Variants in FOXN3 observed in about 807,000 individuals in gnomAD.
The protein encoded by FOXN3 is forkhead box protein N3.
A neutral mutation model predicts 38.4 loss-of-function variants in FOXN3; 7 were observed. The observed-to-expected ratio is 0.18, with a 90% CI of 0.10 to 0.34. The LOEUF (loss-of-function observed/expected upper bound fraction) is 0.34, where lower values mean the gene tolerates loss of function less well. FOXN3 is among the 10% of genes least tolerant of loss of function. The pLI is 1.00. For missense variants in FOXN3, 456 were observed against 613.4 expected, an observed-to-expected ratio of 0.74 and a Z score of 2.71; for synonymous variants, 230 against 242.2, an observed-to-expected ratio of 0.95 and a Z score of 0.47.
At chr14:89,568,322 G>C (rs1462362154) in intron 1 of FOXN3, among the ~76,000 whole-genome samples, 2 of 152,074 alleles carry the variant, frequency 1.3e-5, no homozygotes, top group African/African-American at 4.8e-5. Flanking sequence ...GGGATGCTCT[G>C]AATAGAAACC....
chr14:89,511,246 C>T lies in FOXN3; in HGVS notation c.-14-98756G>A, dbSNP rs1302109565. On this transcript the variant is annotated intron_variant, in intron 1 of 6. Coordinates refer to the FOXN3 transcript ENST00000345097. ...TTCTTTCTTTTCTTTCCTTTTCTTT[C>T]TTTTCTTTCTTTCTTTCTTTCTTTC... Among the ~76,000 whole-genome samples, 17 of 13,942 alleles carry T rather than the reference C, an allele frequency of 1.2e-3. 7 individuals are homozygous for T. Among genetic ancestry groups the T allele is most frequent in the Admixed American group, 6.3e-3 (4 of 634 alleles). 9.1% of individuals were successfully genotyped at this position (13,942 alleles called of 152,430 possible).
At chr14:89,350,645 C>T in intron 3 of FOXN3, 27 bp downstream of exon 3, 1 of 1,476,372 alleles carries the variant, frequency 6.8e-7, no homozygotes, top group Non-Finnish European at 9.0e-7. Context: ...TTCAGTAGAC[C>T]AAAAAAAAGA....
intron 1 of FOXN3, among the ~76,000 whole-genome samples, chr14:89,458,983 T>A (rs1254688170): frequency 6.6e-6 from 1 of 152,098 alleles, no homozygotes; most frequent in East Asian, 1.9e-4. Flanking sequence ...AAAAAGTAAT[T>A]CCCTACTGCT....
At chr14:89,196,368 C>T (rs1354871411) in intron 4 of FOXN3, among the ~76,000 whole-genome samples, 2 of 152,280 alleles carry the variant, frequency 1.3e-5, no homozygotes, top group South Asian at 2.1e-4. Context: ...AAGCACTGCA[C>T]TAGACATGAG....
chr14:89,350,080 C>T (rs749119949), intron 3 of FOXN3, among the ~76,000 whole-genome samples: 15 of 152,274 alleles, frequency 9.9e-5, no homozygotes, highest in East Asian at 1.9e-4. Context: ...CTTACCCTCC[C>T]TTCCAATGAT....
At position 89,162,804 on chromosome 14, in the gene FOXN3, T is replaced by TGAGGAG. The variant is rs747219009; in HGVS notation, c.1011_1016dup (p.Ser338_Ser339dup). On this transcript the variant is annotated inframe_insertion, in exon 6 of 6. Transcript: ENST00000557258. This position sits in a 1 kb window ranked among gnomAD's most constrained non-coding sequence, Gnocchi z 7.2. ...TGGCAAACTCATAGTGGTCGTCGGCTGAGGAGGAGGAGGAGGAGATGGAGT... is the reference window on the plus strand; with the variant it reads ...TGGCAAACTCATAGTGGTCGTCGGCTGAGGAGGAGGAGGAGGAGGAGGAGATGGAGT... 11 of 1,609,972 alleles carry TGAGGAG rather than the reference T, an allele frequency of 6.8e-6. No homozygotes were observed. Among genetic ancestry groups the TGAGGAG allele is most frequent in the East Asian group, 2.2e-5 (1 of 44,802 alleles).
chr14:89,467,561 A>G (rs1418899716), intron 1 of FOXN3, among the ~76,000 whole-genome samples: 1 of 151,824 alleles, frequency 6.6e-6, no homozygotes, highest in East Asian at 1.9e-4. Flanking sequence ...TTTAAAAAAA[A>G]AAAGGCAAAA....
chr14:89,186,316 G>A (rs1261498797), intron 4 of FOXN3, among the ~76,000 whole-genome samples: 3 of 151,810 alleles, frequency 2.0e-5, no homozygotes, highest in African/African-American at 7.3e-5. Context: ...CCCTTCCCTC[G>A]TTCCATTTTG....
At chr14:89,470,675 TC>T (rs1364433808) in intron 1 of FOXN3, among the ~76,000 whole-genome samples, 1 of 152,216 alleles carries the variant, frequency 6.6e-6, no homozygotes, top group African/African-American at 2.4e-5. Context: ...GACATGAATT[TC>T]TTTTGGGGCC....
intron 3 of FOXN3, among the ~76,000 whole-genome samples, chr14:89,310,816 A>G (rs1481150511): frequency 1.3e-5 from 2 of 152,074 alleles, no homozygotes; most frequent in Non-Finnish European, 2.9e-5. Flanking sequence ...AAAAATCCTT[A>G]TATCTTTTGG....
intron 1 of FOXN3, among the ~76,000 whole-genome samples, chr14:89,536,607 C>A (rs1321771141): frequency 1.3e-5 from 2 of 152,022 alleles, no homozygotes; most frequent in Admixed American, 1.3e-4. Flanking sequence ...TGATGAAACC[C>A]CCGTCTCTAC....
At chr14:89,204,790 G>GGCTC (rs1336621311) in intron 4 of FOXN3, among the ~76,000 whole-genome samples, 1 of 136,810 alleles carries the variant, frequency 7.3e-6, no homozygotes, top group Non-Finnish European at 1.6e-5. Flanking sequence ...AAGAGACATA[G>GGCTC]GCTCCATCCA....
At chr14:89,555,882 G>GTGTGTGT (rs58769284) in intron 1 of FOXN3, among the ~76,000 whole-genome samples, 12,451 of 104,180 alleles carry the variant, frequency 0.12, 2,018 homozygotes, top group Non-Finnish European at 0.18. Flanking sequence ...TGTGTATGTG[G>GTGTGTGT]GGGTGTATGT....
chr14:89,426,777 T>C (rs1053207926), intron 1 of FOXN3, among the ~76,000 whole-genome samples: 2 of 152,220 alleles, frequency 1.3e-5, no homozygotes, highest in East Asian at 3.9e-4. Flanking sequence ...GGCCACTTGC[T>C]CATAACACAC....
intron 4 of FOXN3, among the ~76,000 whole-genome samples, chr14:89,200,615 C>T (rs1220466966): frequency 1.3e-5 from 2 of 152,188 alleles, no homozygotes; most frequent in Non-Finnish European, 2.9e-5. Flanking sequence ...CTGTTTTCTC[C>T]GGGCAACAAG....
chr14:89,323,550 C>A (rs1887956033), intron 3 of FOXN3, among the ~76,000 whole-genome samples: 1 of 151,864 alleles, frequency 6.6e-6, no homozygotes, highest in Non-Finnish European at 1.5e-5. Context: ...GAAACCCCGT[C>A]TCTACTAAAA....
chr14:89,240,699 GGGA>G (rs1207825962), intron 4 of FOXN3, among the ~76,000 whole-genome samples: 1 of 152,236 alleles, frequency 6.6e-6, no homozygotes, highest in Non-Finnish European at 1.5e-5. Context: ...GTTACCTCCG[GGGA>G]GGAGGTTAGG....
At chr14:89,249,323 CT>C (rs1335366603) in intron 4 of FOXN3, among the ~76,000 whole-genome samples, 1 of 152,190 alleles carries the variant, frequency 6.6e-6, no homozygotes, top group African/African-American at 2.4e-5. Context: ...CCCCTTTCCC[CT>C]GACAGTCTTC....
intron 4 of FOXN3, among the ~76,000 whole-genome samples, chr14:89,236,222 G>A (rs796407402): frequency 6.9e-4 from 105 of 152,314 alleles, no homozygotes; most frequent in African/African-American, 2.4e-3. Context: ...GAGCCTTTGA[G>A]AGTAGCATGC....
Sources: gnomAD v4.1 joint callset for allele counts (sites outside exome capture counted in the v4.1 genomes callset) on GRCh38, gnomAD v4.1.1 for gene constraint, Gnocchi (gnomAD v3.1) non-coding constraint, MANE v1.5 for transcripts, NCBI Gene and HGNC (gene_info 2026-07-23, HGNC 2026-07-21) for gene names.